The following CADPS2 variants were observed in gnomAD, a reference collection of about 807,000 sequenced individuals.
CADPS2 encodes the protein calcium dependent secretion activator 2.
A neutral mutation model predicts 172.5 loss-of-function variants in CADPS2; 93 were observed. The ratio of observed to expected loss-of-function variants is 0.54; its 90% CI spans 0.46 to 0.64. CADPS2 has a LOEUF of 0.64. Among genes scored for constraint, CADPS2 ranks in the 30% least tolerant of loss-of-function variants. The pLI is 0.00. For synonymous variants in CADPS2, 546 were observed against 555.2 expected, an observed-to-expected ratio of 0.98 and a Z score of 0.23; for missense variants, 1,420 against 1,565.9, an observed-to-expected ratio of 0.91 and a Z score of 1.57.
intron 29 of CADPS2, among the ~76,000 whole-genome samples, chr7:122,323,871 TTTTATATATATATATA>T (rs1480297266): frequency 6.0e-5 from 7 of 117,152 alleles, no homozygotes; most frequent in African/African-American, 2.4e-4. Flanking sequence ...CATATGTATA[TTTTATATATATATATA>T]TATATATATA....
chr7:122,637,455 C>A (rs1219961467), intron 3 of CADPS2, among the ~76,000 whole-genome samples: 2 of 152,110 alleles, frequency 1.3e-5, no homozygotes, highest in Non-Finnish European at 2.9e-5. Flanking sequence ...CAAGCATGAG[C>A]CACTGTGCCT....
Position 122,613,456 on chromosome 7 carries a change from A to G in CADPS2, c.1223+1725T>C, listed in dbSNP as rs193039138. On this transcript the variant is annotated intron_variant, in intron 6 of 29. Transcript: ENST00000449022. ...TATGAAATATATATATATGGAAGAT[A>G]TTTATACCATATCAGCTTGTATAAG... Among the ~76,000 whole-genome samples, 657 of 152,260 alleles carry G rather than the reference A, an allele frequency of 4.3e-3. 2 individuals carry two copies. Among genetic ancestry groups the G allele is most frequent in the Non-Finnish European group, 7.2e-3 (488 of 68,006 alleles).
intron 27 of CADPS2, among the ~76,000 whole-genome samples, chr7:122,353,592 C>A (rs2038972642): frequency 6.6e-6 from 1 of 152,120 alleles, no homozygotes; most frequent in Non-Finnish European, 1.5e-5. Context: ...TTAATAAGAC[C>A]ATTTTAAATA....
chr7:122,426,832 C>T (rs1325516992), intron 17 of CADPS2, among the ~76,000 whole-genome samples: 12 of 152,038 alleles, frequency 7.9e-5, no homozygotes, highest in Admixed American at 7.9e-4. Flanking sequence ...AAATTGCTTG[C>T]GAAAGGAAGA....
At chr7:122,828,355 T>G (rs1486147554) in intron 1 of CADPS2, among the ~76,000 whole-genome samples, 2 of 152,082 alleles carry the variant, frequency 1.3e-5, no homozygotes, top group Non-Finnish European at 2.9e-5. Context: ...TTCCTTTTTT[T>G]TTTATCCACT....
At chr7:122,557,248 T>C (rs1290153130) in intron 7 of CADPS2, among the ~76,000 whole-genome samples, 1 of 152,114 alleles carries the variant, frequency 6.6e-6, no homozygotes, top group Admixed American at 6.6e-5. Context: ...AATTTCGCCA[T>C]GAATGAATAG....
At position 122,557,380 on chromosome 7, in the gene CADPS2, G is replaced by T. The variant is rs375656346; in HGVS notation, c.1336-2691C>A. 4.6e-5 allele frequency among the ~76,000 whole-genome samples: 7 copies of T among 152,054 alleles called. No individual in the cohort carries two copies. The East Asian group carries it at 7.7e-4, about 17-fold the overall frequency. ...GAGATCTGGGACACTTCCTTGGCAG[G>T]GTGTCTTCACAGTGCCTGCCAGATA... is the stretch of plus-strand genomic sequence containing the variant. On this transcript the variant is annotated intron_variant, in intron 7 of 29. Coordinates refer to ENST00000449022, the MANE Select transcript of CADPS2 (RefSeq NM_017954.11).
At chr7:122,360,722 T>G in intron 27 of CADPS2, 66 bp downstream of exon 27, 1 of 1,425,544 alleles carries the variant, frequency 7.0e-7, no homozygotes, top group Non-Finnish European at 9.5e-7. Context: ...AATAAACCCA[T>G]GATGAACTGC....
intron 5 of CADPS2, among the ~76,000 whole-genome samples, chr7:122,620,432 A>G (rs1452359780): frequency 6.6e-6 from 1 of 152,030 alleles, no homozygotes; most frequent in Non-Finnish European, 1.5e-5. Context: ...GTGTGTGTGT[A>G]TGTGTGTATG....
chr7:122,564,462 C>A (rs2066145162), intron 7 of CADPS2, among the ~76,000 whole-genome samples: 1 of 152,056 alleles, frequency 6.6e-6, no homozygotes, highest in Admixed American at 6.6e-5. Flanking sequence ...GTGCACACCA[C>A]CATGCCTGGC....
chr7:122,368,936 T>C (rs1204367011), intron 25 of CADPS2, among the ~76,000 whole-genome samples: 1 of 152,150 alleles, frequency 6.6e-6, no homozygotes, highest in African/African-American at 2.4e-5. Context: ...GACACCCAGC[T>C]GGTAACATAA....
At chr7:122,773,172 C>A (rs2093756599) in intron 1 of CADPS2, among the ~76,000 whole-genome samples, 1 of 151,748 alleles carries the variant, frequency 6.6e-6, no homozygotes, top group African/African-American at 2.4e-5. Context: ...ATTAAATGAA[C>A]AAAGATTTGA....
At position 122,480,819 on chromosome 7, in the gene CADPS2, AC is replaced by A. The variant is rs748894054; in HGVS notation, c.1861+32del. On this transcript the variant is annotated intron_variant, in intron 12 of 29. Coordinates refer to ENST00000449022, the MANE Select transcript of CADPS2 (RefSeq NM_017954.11). ...ATAGTATCATTAAAAATTTTTTAAA[AC>A]ATCTAATTTTAAAAATCATGAAAAT... is the stretch of plus-strand genomic sequence containing the variant. 172 of 1,458,060 alleles carry A rather than the reference AC, an allele frequency of 1.2e-4. 3 individuals carry two copies. In the South Asian group the frequency reaches 2.0e-3, roughly 17 times the overall value. The allele number at this position is 1,458,060 out of a possible 1,614,324, so 90.3% of individuals were successfully genotyped here. A position where few individuals can be genotyped will look rare whatever the true frequency, so the allele number is the denominator to read the frequency against.
At chr7:122,656,781 C>T (rs1161822577) in intron 3 of CADPS2, among the ~76,000 whole-genome samples, 1 of 151,992 alleles carries the variant, frequency 6.6e-6, no homozygotes, top group African/African-American at 2.4e-5. Context: ...GCTGAAGTTT[C>T]TCTTTTGCTG....
chr7:122,363,600 A>G (rs533097819), intron 25 of CADPS2, among the ~76,000 whole-genome samples: 1 of 151,986 alleles, frequency 6.6e-6, no homozygotes, highest in South Asian at 2.1e-4. Flanking sequence ...ATAAATGTCA[A>G]GTCATTTTGC....
chr7:122,559,223 TAA>T (rs1388896748), intron 7 of CADPS2, among the ~76,000 whole-genome samples: 1 of 151,862 alleles, frequency 6.6e-6, no homozygotes, highest in Admixed American at 6.6e-5. Flanking sequence ...GGATGAAAAA[TAA>T]AGATATGGGG....
chr7:122,471,630 G>C (rs1460410534), intron 13 of CADPS2, 68 bp from the exon 14 acceptor site: 1 of 1,278,254 alleles, frequency 7.8e-7, no homozygotes, highest in Non-Finnish European at 1.1e-6. Flanking sequence ...TTTCCTGAAC[G>C]CACTTTTAGG....
At chr7:122,598,679 C>G (rs547843550) in intron 6 of CADPS2, among the ~76,000 whole-genome samples, 1 of 152,174 alleles carries the variant, frequency 6.6e-6, no homozygotes, top group Non-Finnish European at 1.5e-5. Flanking sequence ...ATAGGCATAA[C>G]TAATTTTGGT....
chr7:122,477,098 G>T (rs984121026), intron 12 of CADPS2, among the ~76,000 whole-genome samples: 1 of 150,408 alleles, frequency 6.6e-6, no homozygotes, highest in African/African-American at 2.4e-5. Context: ...GAGAGAGGTA[G>T]GTAGATAGGC....
Sources: gnomAD v4.1 joint callset for allele counts (sites outside exome capture counted in the v4.1 genomes callset) on GRCh38, gnomAD v4.1.1 for gene constraint, MANE v1.5 for transcripts, NCBI Gene and HGNC (gene_info 2026-07-23, HGNC 2026-07-21) for gene names.